Variants in RCOR1 observed in about 807,000 individuals in gnomAD.
RCOR1 encodes REST corepressor 1.
A neutral mutation model predicts 64.0 loss-of-function variants in RCOR1; 12 were observed. The observed-to-expected ratio is 0.19, with a 90% CI of 0.12 to 0.30. The LOEUF is 0.30. RCOR1 is among the 10% of genes least tolerant of loss of function. RCOR1 has a pLI of 1.00. For synonymous variants in RCOR1, 279 were observed against 227.2 expected (o/e 1.23, Z -2.05); for missense variants, 502 against 621.2 (o/e 0.81, Z 2.04).
intron 2 of RCOR1, among the ~76,000 whole-genome samples, chr14:102,605,001 G>A (rs1376451991): frequency 2.0e-5 from 3 of 149,914 alleles, no homozygotes; most frequent in African/African-American, 7.4e-5. Context: ...CCTGGGAGGT[G>A]GAGCTACAGT....
chr14:102,623,384 TTTATTA>T (rs756124201), intron 2 of RCOR1, among the ~76,000 whole-genome samples: 46 of 136,412 alleles, frequency 3.4e-4, no homozygotes, highest in African/African-American at 1.4e-3. Flanking sequence ...CCTTTATTTA[TTTATTA>T]TTTATTTATT....
intron 2 of RCOR1, among the ~76,000 whole-genome samples, chr14:102,616,172 G>C (rs1262558851): frequency 6.6e-6 from 1 of 151,594 alleles, no homozygotes; most frequent in Admixed American, 6.6e-5. Context: ...AGGGAAATGT[G>C]TTTATCCATT....
chr14:102,663,213 C>T (rs989156021), intron 2 of RCOR1, among the ~76,000 whole-genome samples: 3 of 152,220 alleles, frequency 2.0e-5, no homozygotes, highest in African/African-American at 7.2e-5. Context: ...TGCCGTCCGC[C>T]ATGACTGTGA....
At chr14:102,663,628 T>A (rs927789183) in intron 2 of RCOR1, among the ~76,000 whole-genome samples, 1 of 152,152 alleles carries the variant, frequency 6.6e-6, no homozygotes, top group African/African-American at 2.4e-5. Context: ...GGCTTTTTTT[T>A]CTCTTGGATT....
chr14:102,614,415 G>C (rs1402431168), intron 2 of RCOR1, among the ~76,000 whole-genome samples: 1 of 151,364 alleles, frequency 6.6e-6, no homozygotes, highest in Non-Finnish European at 1.5e-5. Flanking sequence ...TAGTAGAGAC[G>C]GGGTTTCACC....
chr14:102,654,073 C>T (rs1344645357), intron 2 of RCOR1, among the ~76,000 whole-genome samples: 1 of 147,628 alleles, frequency 6.8e-6, no homozygotes, highest in Non-Finnish European at 1.5e-5. Flanking sequence ...GCAAGCTCTG[C>T]CTCCCGGGTT....
intron 6 of RCOR1, among the ~76,000 whole-genome samples, chr14:102,709,465 T>TGA (rs1252303156): frequency 2.6e-5 from 4 of 152,208 alleles, no homozygotes; most frequent in Non-Finnish European, 4.4e-5. Flanking sequence ...TGAAGGAGGA[T>TGA]GAAATATATG....
intron 2 of RCOR1, among the ~76,000 whole-genome samples, chr14:102,636,557 C>T (rs773066426): frequency 5.9e-5 from 9 of 151,720 alleles, no homozygotes; most frequent in Non-Finnish European, 1.3e-4. Flanking sequence ...GCTGAGAATA[C>T]AGGTGTGAGC....
intron 2 of RCOR1, among the ~76,000 whole-genome samples, chr14:102,611,526 A>G (rs1027426610): frequency 2.8e-4 from 43 of 152,102 alleles, no homozygotes; most frequent in African/African-American, 1.0e-3. Flanking sequence ...GCCAGACATC[A>G]TGAATTTTAC....
chr14:102,598,972 C>T lies in RCOR1; in HGVS notation c.361+5647C>T, dbSNP rs372745764. Among the ~76,000 whole-genome samples, 18 of 152,014 alleles carry T rather than the reference C, an allele frequency of 1.2e-4. No individual in the cohort carries two copies. The East Asian group carries it at 2.5e-3, about 21-fold the overall frequency. On this transcript the variant is annotated intron_variant, in intron 2 of 11. Coordinates refer to ENST00000262241, the MANE Select transcript of RCOR1 (RefSeq NM_015156.4). ...CAGACTGCCTTTCCATGCTGTCTGCCGCAGATTATGCTGAGTTGTCATTGG... is the reference window on the plus strand; with the variant it reads ...CAGACTGCCTTTCCATGCTGTCTGCTGCAGATTATGCTGAGTTGTCATTGG...
In RCOR1 at chr14:102,613,697, G is replaced by A. The variant is rs1325836148; in HGVS notation, c.361+20372G>A. Among the ~76,000 whole-genome samples the A allele has an allele frequency of 3.3e-5, 5 of 151,058 alleles. No individual in the cohort carries two copies. In the South Asian group the frequency reaches 1.0e-3, roughly 31 times the overall value. ...GGCCTCCCAAAGTGCTGGGATTACAGGCATGAGCCACCGCGCCCCGCCATC... is the reference window on the plus strand; with the variant it reads ...GGCCTCCCAAAGTGCTGGGATTACAAGCATGAGCCACCGCGCCCCGCCATC... On this transcript the variant is annotated intron_variant, in intron 2 of 11. Coordinates refer to ENST00000262241, the MANE Select transcript of RCOR1 (RefSeq NM_015156.4).
chr14:102,654,533 C>T (rs1186269156), intron 2 of RCOR1, among the ~76,000 whole-genome samples: 1 of 151,892 alleles, frequency 6.6e-6, no homozygotes, highest in Non-Finnish European at 1.5e-5. Context: ...AACCACAGTT[C>T]TCTGCAGAGG....
intron 2 of RCOR1, among the ~76,000 whole-genome samples, chr14:102,611,719 A>T (rs1276870694): frequency 6.6e-6 from 1 of 152,000 alleles, no homozygotes; most frequent in Non-Finnish European, 1.5e-5. Context: ...CCTTTTGGGG[A>T]TTCTGTGTGA....
At chr14:102,702,384 G>A (rs1434675110) in intron 4 of RCOR1, among the ~76,000 whole-genome samples, 1 of 151,628 alleles carries the variant, frequency 6.6e-6, no homozygotes, top group East Asian at 1.9e-4. Context: ...ATTACCATTA[G>A]CAAAGTATTG....
At chr14:102,698,428 C>G (rs1324340398) in intron 3 of RCOR1, among the ~76,000 whole-genome samples, 2 of 152,190 alleles carry the variant, frequency 1.3e-5, no homozygotes, top group Non-Finnish European at 2.9e-5. Flanking sequence ...GCTCAAAGAT[C>G]GTGCTACTGG....
At chr14:102,597,283 G>A (rs1893275089) in intron 2 of RCOR1, among the ~76,000 whole-genome samples, 1 of 151,630 alleles carries the variant, frequency 6.6e-6, no homozygotes, top group South Asian at 2.1e-4. Context: ...TTTTATTATA[G>A]TAAAATAAGT....
At position 102,599,704 on chromosome 14, in the gene RCOR1, T is replaced by C. The variant is rs113382420; in HGVS notation, c.361+6379T>C. On this transcript the variant is annotated intron_variant, in intron 2 of 11. Transcript: ENST00000262241. ...TTTTACTGAACAGGGTGTCTTGATA[T>C]GCCTTTCATTTGTTTTCACTGGTGA... 6.8e-3 allele frequency among the ~76,000 whole-genome samples: 1,040 copies of C among 152,332 alleles called. 13 individuals are homozygous for C. Among genetic ancestry groups the C allele is most frequent in the African/African-American group, 0.024 (978 of 41,576 alleles).
At chr14:102,606,437 G>A (rs549562989) in intron 2 of RCOR1, among the ~76,000 whole-genome samples, 4 of 152,218 alleles carry the variant, frequency 2.6e-5, no homozygotes, top group Admixed American at 2.6e-4. Flanking sequence ...AAGCTGCTGG[G>A]CTTGGTGTTC....
Position 102,726,470 on chromosome 14 carries a change from T to C in RCOR1, c.1422T>C (p.Ala474=), listed in dbSNP as rs1896266601. The part of the protein sequence containing the change: ...SIKMPEEEDE[A]PVLDVRYASA... ...TTTTTTTTTCCTCTTGGCCTCAGGC[T>C]CCTGTTCTGGATGTCAGATATGCAT... Residue 474 remains alanine (A), a splice_region_variant and synonymous_variant, in exon 12 of 12, where the codon GCT becomes GCC. Transcript: ENST00000262241. 5.7e-6 allele frequency: 9 copies of C among 1,581,742 alleles called. No homozygotes were observed. The highest frequency in any genetic ancestry group is 6.0e-6 in the Non-Finnish European group (7 of 1,167,448).
Sources: gnomAD v4.1 joint callset for allele counts (sites outside exome capture counted in the v4.1 genomes callset) on GRCh38, gnomAD v4.1.1 for gene constraint, MANE v1.5 for transcripts, NCBI Gene and HGNC (gene_info 2026-07-23, HGNC 2026-07-21) for gene names.